The following DACH2 variants were observed in gnomAD, a reference collection of about 807,000 sequenced individuals.
The protein encoded by DACH2 is dachshund homolog 2.
DACH2 carries 17 observed loss-of-function variants against 35.8 expected under a neutral mutation model. The observed-to-expected ratio is 0.48, with a 90% CI of 0.33 to 0.71. The LOEUF is 0.71. Among genes scored for constraint, DACH2 ranks in the 30% least tolerant of loss-of-function variants. The pLI is 0.02. For synonymous variants in DACH2, 195 were observed against 177.3 expected (o/e 1.10, Z -0.79); for missense variants, 469 against 472.7 (o/e 0.99, Z 0.07).
At chrX:86,691,613 C>T (rs972067941) in intron 4 of DACH2, among the ~76,000 whole-genome samples, 3 of 111,465 alleles carry the variant, frequency 2.7e-5, no homozygotes, top group African/African-American at 9.8e-5. Context: ...AGTTACCAAG[C>T]ATGAACTCGC....
At position 86,270,505 on chromosome X, in the gene DACH2, C is replaced by T. The variant is rs564664603; in HGVS notation, c.489-106319C>T. ...CTACGAGTCAAGTGTAGTATTTCAG[C>T]ACCTCTAGAAGTCACTTGGATTAAA... On this transcript the variant is annotated intron_variant, in intron 1 of 11. Coordinates refer to ENST00000373125, the MANE Select transcript of DACH2 (RefSeq NM_053281.3). Among the ~76,000 whole-genome samples the T allele has an allele frequency of 2.7e-5, 3 of 111,386 alleles. No individual in the cohort carries two copies. In the South Asian group the frequency reaches 1.1e-3, roughly 42 times the overall value.
chrX:86,685,737 A>C (rs759020963), intron 4 of DACH2, among the ~76,000 whole-genome samples: 4 of 110,954 alleles, frequency 3.6e-5, no homozygotes, highest in Non-Finnish European at 7.5e-5. Context: ...TGGCAAAAGC[A>C]GTAGCAATGA....
intron 1 of DACH2, among the ~76,000 whole-genome samples, chrX:86,274,626 C>T (rs1392912339): frequency 1.9e-5 from 2 of 106,727 alleles, no homozygotes; most frequent in Non-Finnish European, 3.8e-5. Context: ...TCTCGAGTAG[C>T]TGGGACTACA....
At chrX:86,411,211 T>A (rs977885920) in intron 2 of DACH2, among the ~76,000 whole-genome samples, 2 of 105,903 alleles carry the variant, frequency 1.9e-5, no homozygotes, top group Non-Finnish European at 3.9e-5. Context: ...GGAAGAAAGA[T>A]GTAGGCTGGG....
At position 86,504,261 on chromosome X, in the gene DACH2, A is replaced by G. The variant is rs761456170; in HGVS notation, c.528-10018A>G. Among the ~76,000 whole-genome samples the G allele has an allele frequency of 9.0e-5, 10 of 110,840 alleles. No homozygotes were observed. The South Asian group carries it at 3.5e-3, about 39-fold the overall frequency. ...ACAAAGTGAATCAATGGCATAGGTA[A>G]ATTCAAGCAGCATTTTTGAGTCCAC... On this transcript the variant is annotated intron_variant, in intron 2 of 11. Coordinates refer to ENST00000373125, the MANE Select transcript of DACH2 (RefSeq NM_053281.3).
At chrX:86,316,547 A>T (rs897089898) in intron 1 of DACH2, among the ~76,000 whole-genome samples, 2 of 111,220 alleles carry the variant, frequency 1.8e-5, no homozygotes, top group African/African-American at 3.3e-5. Flanking sequence ...TGAACTGTCT[A>T]CCCAAATAAT....
intron 1 of DACH2, among the ~76,000 whole-genome samples, chrX:86,199,007 A>G (rs1394762857): frequency 9.0e-6 from 1 of 110,814 alleles, no homozygotes; most frequent in Admixed American, 9.6e-5. Flanking sequence ...ATTGATGCAA[A>G]AATTCTCGAG....
At chrX:86,433,951 G>T (rs1233376130) in intron 2 of DACH2, among the ~76,000 whole-genome samples, 2 of 111,461 alleles carry the variant, frequency 1.8e-5, no homozygotes, top group African/African-American at 3.3e-5. Context: ...TTGTGTGAAT[G>T]GTATGCAGTG....
At chrX:86,395,701 T>C (rs1201424031) in intron 2 of DACH2, among the ~76,000 whole-genome samples, 2 of 111,814 alleles carry the variant, frequency 1.8e-5, no homozygotes, top group Admixed American at 9.5e-5. Flanking sequence ...TCCATGTCCC[T>C]ACAAAGGACA....
At chrX:86,222,972 G>A (rs12851912) in intron 1 of DACH2, among the ~76,000 whole-genome samples, 2 of 111,805 alleles carry the variant, frequency 1.8e-5, no homozygotes, top group East Asian at 5.6e-4. Flanking sequence ...ATGTGTGAAA[G>A]CAGAGAGAAA....
intron 2 of DACH2, among the ~76,000 whole-genome samples, chrX:86,500,925 C>T (rs2038240957): frequency 9.0e-6 from 1 of 111,543 alleles, no homozygotes; most frequent in African/African-American, 3.3e-5. Context: ...TATTTGTGAG[C>T]TTTCCTATCC....
intron 11 of DACH2, chrX:86,831,208 T>C (rs2042608478): frequency 8.9e-6 from 1 of 111,762 alleles, no homozygotes; most frequent in African/African-American, 3.2e-5. Context: ...GGGTATACTT[T>C]CCTCCTAATA....
chrX:86,744,750 T>C (rs1055143307), intron 7 of DACH2, among the ~76,000 whole-genome samples: 2 of 111,920 alleles, frequency 1.8e-5, no homozygotes, highest in Non-Finnish European at 3.8e-5. Flanking sequence ...ATCAAGTATT[T>C]TGAATAAACT....
chrX:86,274,386 T>C (rs895639644), intron 1 of DACH2, among the ~76,000 whole-genome samples: 7 of 110,158 alleles, frequency 6.4e-5, no homozygotes, highest in African/African-American at 2.0e-4. Context: ...GCATCATTTC[T>C]TTGGCAGATT....
At chrX:86,583,096 G>T (rs894355000) in intron 3 of DACH2, among the ~76,000 whole-genome samples, 1 of 111,273 alleles carries the variant, frequency 9.0e-6, no homozygotes, top group African/African-American at 3.3e-5. Flanking sequence ...CACATAAGCA[G>T]AACTAAAAAC....
chrX:86,600,397 T>C (rs1297002244), intron 3 of DACH2, among the ~76,000 whole-genome samples: 1 of 112,071 alleles, frequency 8.9e-6, no homozygotes, highest in African/African-American at 3.2e-5. Flanking sequence ...ATTATACCAG[T>C]ATTATTTAAA....
At chrX:86,280,758 T>A (rs1212618332) in intron 1 of DACH2, among the ~76,000 whole-genome samples, 1 of 111,754 alleles carries the variant, frequency 8.9e-6, no homozygotes, top group Non-Finnish European at 1.9e-5. Context: ...TAGAGGAATA[T>A]TTACCAAGCA....
chrX:86,739,807 A>G lies in DACH2; in HGVS notation c.1165A>G (p.Ser389Gly). 2 of 1,200,358 alleles carry G rather than the reference A, an allele frequency of 1.7e-6. No homozygotes were observed. The highest frequency in any genetic ancestry group is 3.6e-5 in the South Asian group (2 of 55,335). The change falls in exon 7 of 12, where the codon AGC becomes GGC. Residue 389 changes from serine (S) to glycine (G), a missense_variant. Coordinates refer to ENST00000373125, the MANE Select transcript of DACH2 (RefSeq NM_053281.3). ...TCTAGAAGAGAATCATCGTCCTGGG[A>G]GCCAGACCTCTTCCCACACCAGCAG... is the stretch of plus-strand genomic sequence containing the variant. Reference protein sequence around the residue: ...PSLEENHRPGSQTSSHTSSSV... With the variant: ...PSLEENHRPGGQTSSHTSSSV...
chrX:86,570,578 G>A (rs5923566), intron 3 of DACH2, among the ~76,000 whole-genome samples: 35,085 of 109,022 alleles, frequency 0.32, 4,627 homozygotes, highest in Middle Eastern at 0.46. Context: ...ACACACACTG[G>A]GGCCTGTTGG....
Sources: gnomAD v4.1 joint callset for allele counts (sites outside exome capture counted in the v4.1 genomes callset) on GRCh38, gnomAD v4.1.1 for gene constraint, MANE v1.5 for transcripts, NCBI Gene and HGNC (gene_info 2026-07-23, HGNC 2026-07-21) for gene names.